UBE2N: variants seen among roughly 807,000 people sequenced by gnomAD.
The protein encoded by UBE2N is ubiquitin-conjugating enzyme E2 N.
For synonymous variants in UBE2N, 70 were observed against 69.2 expected, an observed-to-expected ratio of 1.01 and a Z score of -0.06; for missense variants, 60 against 192.1, an observed-to-expected ratio of 0.31 and a Z score of 4.07.
intron 1 of UBE2N, among the ~76,000 whole-genome samples, chr12:93,431,750 C>G (rs1028807111): frequency 2.0e-5 from 3 of 152,200 alleles, no homozygotes; most frequent in African/African-American, 4.8e-5. Flanking sequence ...TCTTTGAACA[C>G]AGTCATTAAA....
chr12:93,433,154 C>T (rs1213844641), intron 1 of UBE2N, among the ~76,000 whole-genome samples: 3 of 152,012 alleles, frequency 2.0e-5, no homozygotes, highest in Non-Finnish European at 2.9e-5. Flanking sequence ...AGGATGGTCT[C>T]GATCTCCTGA....
intron 1 of UBE2N, among the ~76,000 whole-genome samples, chr12:93,440,342 C>T (rs1449761073): frequency 6.6e-6 from 1 of 152,110 alleles, no homozygotes; most frequent in Non-Finnish European, 1.5e-5. Flanking sequence ...TGGACAGAAT[C>T]CTAGATAAAT....
In UBE2N at chr12:93,409,526, C is replaced by T; in HGVS notation, c.*513G>A. On this transcript the variant is annotated 3_prime_UTR_variant, in exon 4 of 4. Transcript: ENST00000318066. The stretch of plus-strand genomic sequence containing the variant: ...ATGTTCCCATTTTGGTTCCAACAAT[C>T]AAGCTTGTCCATCTACAGCGTCTAA... 6.0e-6 allele frequency: 1 copy of T among 167,266 alleles called. No individual in the cohort carries two copies. 10.4% of individuals were successfully genotyped at this position (167,266 alleles called of 1,614,324 possible).
chr12:93,425,668 G>A (rs1878557994), intron 1 of UBE2N, among the ~76,000 whole-genome samples: 1 of 152,078 alleles, frequency 6.6e-6, no homozygotes. Flanking sequence ...AAAATAGTAG[G>A]CCTAGCCAAG....
chr12:93,434,900 A>C (rs187568235), intron 1 of UBE2N, among the ~76,000 whole-genome samples: 3 of 151,822 alleles, frequency 2.0e-5, no homozygotes, highest in African/African-American at 7.3e-5. Context: ...GTATTTATTT[A>C]TTTATTTATT....
intron 1 of UBE2N, among the ~76,000 whole-genome samples, chr12:93,438,925 A>G (rs1289804419): frequency 6.6e-6 from 1 of 152,232 alleles, no homozygotes; most frequent in East Asian, 1.9e-4. Flanking sequence ...ATGTTACACT[A>G]ATCAAGATCC....
At chr12:93,417,817 G>A in intron 1 of UBE2N, among the ~76,000 whole-genome samples, 1 of 152,008 alleles carries the variant, frequency 6.6e-6, no homozygotes, top group East Asian at 1.9e-4. Context: ...TCTGGACAAA[G>A]TTGTGTGTTA....
At chr12:93,430,872 G>A (rs1004800177) in intron 1 of UBE2N, among the ~76,000 whole-genome samples, 1 of 150,190 alleles carries the variant, frequency 6.7e-6, no homozygotes, top group Admixed American at 6.7e-5. Context: ...CCAGCTACTC[G>A]GGATGCTGAG....
rs1188606718 is a variant in UBE2N at position 93,409,646 on chromosome 12, ATAAAAT to A, written c.*387_*392del. ...CACCAAAAAAGGGGGAAAGGAGCCC[ATAAAAT>A]TAAACTACCTCCCCCCTCAAAAATA... is the stretch of plus-strand genomic sequence containing the variant. On this transcript the variant is annotated 3_prime_UTR_variant, in exon 4 of 4. Transcript: ENST00000318066. 1 of 173,610 alleles carries A rather than the reference ATAAAAT, an allele frequency of 5.8e-6. No homozygotes were observed. Among genetic ancestry groups the A allele is most frequent in the Non-Finnish European group, 1.4e-5 (1 of 72,820 alleles). 10.8% of individuals were successfully genotyped at this position (173,610 alleles called of 1,614,324 possible).
At chr12:93,429,177 G>A (rs912752646) in intron 1 of UBE2N, 1 of 309,850 alleles carries the variant, frequency 3.2e-6, no homozygotes, top group African/African-American at 2.3e-5. Flanking sequence ...GGCTGAGGAA[G>A]TAGAGCTGCT....
At chr12:93,412,729 T>A (rs1056157890) in intron 1 of UBE2N, among the ~76,000 whole-genome samples, 4 of 151,930 alleles carry the variant, frequency 2.6e-5, no homozygotes, top group African/African-American at 9.7e-5. Flanking sequence ...GAGGTAAAGG[T>A]AGAGGGGAAC....
At chr12:93,438,717 A>T (rs1234309936) in intron 1 of UBE2N, among the ~76,000 whole-genome samples, 1 of 152,178 alleles carries the variant, frequency 6.6e-6, no homozygotes, top group African/African-American at 2.4e-5. Flanking sequence ...CCAGGCAGTA[A>T]ATGATGGAAG....
intron 1 of UBE2N, among the ~76,000 whole-genome samples, chr12:93,434,241 G>A (rs1011381027): frequency 3.9e-5 from 6 of 152,216 alleles, no homozygotes; most frequent in East Asian, 1.9e-4. Flanking sequence ...GCAGTTAGCC[G>A]AGTTCGTGCC....
In UBE2N at chr12:93,441,947, T is replaced by C. The variant is rs1420182715; in HGVS notation, c.-63A>G. ...CGGCTCCTCTCGCCTCACGCACGAG[T>C]GGAAGTCCCGGGCTCCACTTCCGGG... On this transcript the variant is annotated 5_prime_UTR_variant, in exon 1 of 4. Coordinates refer to ENST00000318066, the MANE Select transcript of UBE2N (RefSeq NM_003348.4). 6.6e-7 allele frequency: 1 copy of C among 1,517,678 alleles called. No homozygotes were observed. The allele number at this position is 1,517,678 out of a possible 1,614,324, so 94.0% of individuals were successfully genotyped here.
intron 1 of UBE2N, among the ~76,000 whole-genome samples, chr12:93,434,391 T>G (rs1878865431): frequency 6.6e-6 from 1 of 152,234 alleles, no homozygotes; most frequent in South Asian, 2.1e-4. Context: ...TCACAGTCAT[T>G]TAGCACAGTG....
chr12:93,419,277 C>T (rs1878324847), intron 1 of UBE2N, among the ~76,000 whole-genome samples: 2 of 152,024 alleles, frequency 1.3e-5, no homozygotes, highest in African/African-American at 4.8e-5. Context: ...GTAATCCCAG[C>T]TACTCGGGAG....
chr12:93,440,886 C>T (rs1184401578), intron 1 of UBE2N, among the ~76,000 whole-genome samples: 1 of 152,146 alleles, frequency 6.6e-6, no homozygotes, highest in East Asian at 1.9e-4. Flanking sequence ...TATTCATAAA[C>T]AGCCAATTAA....
At chr12:93,418,105 AGAC>A (rs1274907125) in intron 1 of UBE2N, among the ~76,000 whole-genome samples, 27 of 152,230 alleles carry the variant, frequency 1.8e-4, no homozygotes, top group African/African-American at 6.5e-4. Context: ...ATGGGATGAC[AGAC>A]GTGAGCCACC....
chr12:93,413,959 C>A (rs374619957), intron 1 of UBE2N, among the ~76,000 whole-genome samples: 17 of 151,858 alleles, frequency 1.1e-4, no homozygotes, highest in African/African-American at 4.1e-4. Flanking sequence ...GTCAGGAGTT[C>A]GAGACCAGCC....
Sources: allele counts gnomAD v4.1 joint callset (sites outside exome capture counted in the v4.1 genomes callset), GRCh38; gene constraint gnomAD v4.1.1; transcripts MANE v1.5; gene names NCBI Gene and HGNC (gene_info 2026-07-23, HGNC 2026-07-21).